GCNT2: variants seen among roughly 807,000 people sequenced by gnomAD.
GCNT2 encodes the protein N-acetyllactosaminide beta-1,6-N-acetylglucosaminyl-transferase.
GCNT2 carries 34 observed loss-of-function variants against 34.2 expected under a neutral mutation model. The observed-to-expected ratio is 1.00, with a 90% confidence interval of 0.76 to 1.32. GCNT2 has a LOEUF of 1.32. Ranked by LOEUF, GCNT2 falls within the 40% of genes most tolerant of loss-of-function variation. The probability of loss-of-function intolerance (pLI) is 0.00; values close to 1 mark genes in which losing one functional copy is unlikely to be tolerated. For synonymous variants in GCNT2, 212 were observed against 188.0 expected (o/e 1.13, Z -1.04); for missense variants, 584 against 489.4 (o/e 1.19, Z -1.82).
intron 3 of GCNT2, among the ~76,000 whole-genome samples, chr6:10,544,626 A>G (rs1251145414): frequency 6.6e-6 from 1 of 151,074 alleles, no homozygotes; most frequent in African/African-American, 2.4e-5. Context: ...ATAAAATAAA[A>G]TAAAATATTA....
chr6:10,523,043 C>T (rs1760994437), intron 1 of GCNT2, among the ~76,000 whole-genome samples: 1 of 152,220 alleles, frequency 6.6e-6, no homozygotes, highest in South Asian at 2.1e-4. Flanking sequence ...GCCTTTAAGG[C>T]CTCGACTCCG....
intron 3 of GCNT2, among the ~76,000 whole-genome samples, chr6:10,550,452 G>C (rs962264683): frequency 2.6e-5 from 4 of 151,874 alleles, no homozygotes; most frequent in African/African-American, 9.7e-5. Flanking sequence ...TTTGGTCCTA[G>C]GATGAGTGGT....
At position 10,579,825 on chromosome 6, in the gene GCNT2, AC is replaced by A. The variant is rs1285807079; in HGVS notation, c.926-41525del. ...AGCGAGACTCCATCTCAAAAAACAAACAAAAAAAAAAAAAAAAAAAAAACAA... is the reference window on the plus strand; with the variant it reads ...AGCGAGACTCCATCTCAAAAAACAAAAAAAAAAAAAAAAAAAAAAAAACAA... On this transcript the variant is annotated intron_variant, in intron 3 of 4. Coordinates refer to ENST00000495262, the MANE Select transcript of GCNT2 (RefSeq NM_145649.5). Among the ~76,000 whole-genome samples, 714 of 107,632 alleles carry A rather than the reference AC, an allele frequency of 6.6e-3. 4 individuals carry two copies. Among genetic ancestry groups the A allele is most frequent in the Middle Eastern group, 8.8e-3 (2 of 228 alleles). The allele number at this position is 107,632 out of a possible 152,430, so 70.6% of individuals were successfully genotyped here.
At chr6:10,544,195 T>C (rs1762163385) in intron 3 of GCNT2, among the ~76,000 whole-genome samples, 1 of 152,100 alleles carries the variant, frequency 6.6e-6, no homozygotes, top group African/African-American at 2.4e-5. Context: ...GCGCCTGTAA[T>C]CCCAGCTACT....
At chr6:10,553,016 G>T (rs1762548941) in intron 3 of GCNT2, among the ~76,000 whole-genome samples, 1 of 152,170 alleles carries the variant, frequency 6.6e-6, no homozygotes, top group African/African-American at 2.4e-5. Context: ...AGTCTTCTCA[G>T]TGCCATCTTT....
rs772289618 is a variant in GCNT2 at position 10,585,988 on chromosome 6, T to TC, written c.926-35363_926-35362insC. 1.9e-5 allele frequency: 30 copies of TC among 1,613,980 alleles called. No homozygotes were observed. The East Asian group carries it at 6.5e-4, about 35-fold the overall frequency. ...GATTGTTTCCCCAGGGAAGTGAAAATAATGAACTTTTGGAGGTACTGCTTT... is the reference window on the plus strand; with the variant it reads ...GATTGTTTCCCCAGGGAAGTGAAAATCAATGAACTTTTGGAGGTACTGCTTT... On this transcript the variant is annotated intron_variant, in intron 3 of 4. Transcript: ENST00000495262.
rs187764030 is a variant in GCNT2, at chr6:10,628,336, A to G, written c.*1729A>G. On this transcript the variant is annotated 3_prime_UTR_variant, in exon 5 of 5. Transcript: ENST00000495262. ...TGACACATTTAATGAACACAATTTTATTTTTTTTCTGTAACTGTGCTTGTT... is the reference window on the plus strand; with the variant it reads ...TGACACATTTAATGAACACAATTTTGTTTTTTTTCTGTAACTGTGCTTGTT... The G allele has an allele frequency of 1.6e-4, 24 of 152,466 alleles. No homozygotes were observed. The highest frequency in any genetic ancestry group is 4.8e-4 in the African/African-American group (20 of 41,490). 9.4% of individuals were successfully genotyped at this position (152,466 alleles called of 1,614,324 possible). A position where few individuals can be genotyped will look rare whatever the true frequency, so the allele number is the denominator to read the frequency against.
intron 3 of GCNT2, among the ~76,000 whole-genome samples, chr6:10,540,141 A>G (rs942116885): frequency 6.6e-6 from 1 of 151,826 alleles, no homozygotes; most frequent in East Asian, 1.9e-4. Flanking sequence ...GGAAGGAAGG[A>G]AGAGAGGGAG....
intron 3 of GCNT2, among the ~76,000 whole-genome samples, chr6:10,601,678 A>G (rs996810806): frequency 9.8e-5 from 15 of 152,328 alleles, no homozygotes; most frequent in African/African-American, 3.6e-4. Context: ...GCAGTGGCTC[A>G]CGCCTGTAAT....
intron 3 of GCNT2, among the ~76,000 whole-genome samples, chr6:10,551,266 T>C (rs995865815): frequency 1.3e-5 from 2 of 152,078 alleles, no homozygotes; most frequent in African/African-American, 4.8e-5. Flanking sequence ...AGGAAGTGTT[T>C]CCATCATAAC....
chr6:10,592,113 C>T (rs555964536), intron 3 of GCNT2, among the ~76,000 whole-genome samples: 9 of 152,278 alleles, frequency 5.9e-5, no homozygotes, highest in African/African-American at 1.4e-4. Flanking sequence ...CCAGGACGTT[C>T]GAGTCTAAAA....
chr6:10,594,748 A>AT (rs1379802835), intron 3 of GCNT2, among the ~76,000 whole-genome samples: 3 of 152,248 alleles, frequency 2.0e-5, no homozygotes, highest in African/African-American at 7.2e-5. Context: ...AAGGATGTCT[A>AT]TGCCATGGCT....
chr6:10,579,838 A>C (rs1328775523), intron 3 of GCNT2, among the ~76,000 whole-genome samples: 2 of 149,678 alleles, frequency 1.3e-5, no homozygotes, highest in African/African-American at 2.5e-5. Context: ...AAAAAAAAAA[A>C]AAAAAAAAAA....
intron 3 of GCNT2, among the ~76,000 whole-genome samples, chr6:10,579,839 A>C (rs1011968762): frequency 2.0e-5 from 3 of 148,126 alleles, no homozygotes; most frequent in African/African-American, 2.6e-5. Flanking sequence ...AAAAAAAAAA[A>C]AAAAAAAAAC....
intron 1 of GCNT2, among the ~76,000 whole-genome samples, chr6:10,524,441 AG>A (rs1287726148): frequency 6.6e-6 from 1 of 151,990 alleles, no homozygotes; most frequent in Non-Finnish European, 1.5e-5. Context: ...CAGTAGAGAC[AG>A]GGTTTCTCCA....
At chr6:10,555,676 C>T (rs1265787131) in intron 3 of GCNT2, 4 of 950,362 alleles carry the variant, frequency 4.2e-6, no homozygotes, top group East Asian at 2.3e-4. Context: ...CCAAGGCGCC[C>T]CAGCAATTTC....
At chr6:10,582,486 ACT>A (rs1561816805) in intron 3 of GCNT2, among the ~76,000 whole-genome samples, 50 of 96,242 alleles carry the variant, frequency 5.2e-4, no homozygotes, top group African/African-American at 2.9e-3. Flanking sequence ...TATAATATAT[ACT>A]ATAATATATA....
chr6:10,611,571 T>C (rs1355080889), intron 3 of GCNT2, among the ~76,000 whole-genome samples: 2 of 152,030 alleles, frequency 1.3e-5, no homozygotes, highest in East Asian at 3.9e-4. Flanking sequence ...TCTCGTGGTC[T>C]GCCCGCCTCG....
In GCNT2 at chr6:10,529,611, C is replaced by T. The variant is rs745931655; in HGVS notation, c.700C>T (p.Gln234Ter). The T allele has an allele frequency of 6.8e-6, 11 of 1,614,068 alleles. No individual in the cohort carries two copies. The highest frequency in any genetic ancestry group is 9.3e-6 in the Non-Finnish European group (11 of 1,179,946). The change falls in exon 3 of 5, where the codon CAA becomes TAA. Residue 234 changes from glutamine to a stop codon, truncating the protein, a stop_gained. Transcript: ENST00000495262. LOFTEE classifies it high-confidence loss of function. ...TGTTGGACGGACTAAATACGTCCACCAAGAACTGTTAAACCACAAAAATTC... is the reference window on the plus strand; with the variant it reads ...TGTTGGACGGACTAAATACGTCCACTAAGAACTGTTAAACCACAAAAATTC... ...HAVGRTKYVH[Q>*]ELLNHKNSYV...
Sources: allele counts gnomAD v4.1 joint callset (sites outside exome capture counted in the v4.1 genomes callset), GRCh38; gene constraint gnomAD v4.1.1; transcripts MANE v1.5; gene names NCBI Gene and HGNC (gene_info 2026-07-23, HGNC 2026-07-21).